Variants in ARFGEF1 observed in about 807,000 individuals in gnomAD.
ARFGEF1 encodes the protein brefeldin A-inhibited guanine nucleotide-exchange protein 1.
In ARFGEF1, 42 loss-of-function variants were observed where a neutral mutation model predicts 231.0. The observed-to-expected ratio is 0.18, with a 90% CI of 0.14 to 0.24. The LOEUF (loss-of-function observed/expected upper bound fraction) is 0.24. Among genes scored for constraint, ARFGEF1 ranks in the 10% least tolerant of loss-of-function variants. The pLI, the probability that ARFGEF1 is intolerant of heterozygous loss-of-function variation, is 1.00. For missense variants in ARFGEF1, 1,345 were observed against 2,192.0 expected, an observed-to-expected ratio of 0.61 and a Z score of 7.72; for synonymous variants, 710 against 732.3, an observed-to-expected ratio of 0.97 and a Z score of 0.49.
chr8:67,196,084 C>CTGA (rs1464611032), downstream of ARFGEF1: 2 of 153,826 alleles, frequency 1.3e-5, no homozygotes, highest in Non-Finnish European at 2.9e-5. Context: ...TTTGTAGCTA[C>CTGA]TGATACAGCA....
chr8:67,196,097 AATG>A (rs1352610433), downstream of ARFGEF1: 1 of 153,516 alleles, frequency 6.5e-6, no homozygotes, highest in Non-Finnish European at 1.5e-5. Context: ...ATACAGCAGA[AATG>A]AAGGGAACTG....
At chr8:67,217,176 T>C (rs375829306) in intron 32 of ARFGEF1, among the ~76,000 whole-genome samples, 2 of 151,922 alleles carry the variant, frequency 1.3e-5, no homozygotes, top group African/African-American at 2.4e-5. Context: ...TGGTGGTGCA[T>C]GCCTGTAATC....
intron 27 of ARFGEF1, among the ~76,000 whole-genome samples, chr8:67,226,476 A>C (rs1839375847): frequency 6.6e-6 from 1 of 151,992 alleles, no homozygotes; most frequent in South Asian, 2.1e-4. Context: ...AAATTACTTA[A>C]CCTCTCTGTA....
At position 67,253,481 on chromosome 8, in the gene ARFGEF1, G is replaced by C. The variant is rs747712444; in HGVS notation, c.2668C>G (p.Leu890Val). The change falls in exon 18 of 39, where the codon CTA becomes GTA. Residue 890 changes from leucine (L) to valine (V), a missense_variant. Leu to Val is a conservative substitution (Grantham distance 32). Transcript: ENST00000262215. Reference sequence around the variant, plus strand: ...TTACTTGATTTTGTAGGGATTGTTAGTTCTTTTGTTTCTTTCATTGATATC... The same window carrying C: ...TTACTTGATTTTGTAGGGATTGTTACTTCTTTTGTTTCTTTCATTGATATC... Reference protein sequence around the residue: ...KKISMKETKELTIPTKSSKQN... With the variant: ...KKISMKETKEVTIPTKSSKQN... The C allele has an allele frequency of 6.4e-7, 1 of 1,573,822 alleles. No homozygotes were observed. Among genetic ancestry groups the C allele is most frequent in the Non-Finnish European group, 8.7e-7 (1 of 1,147,184 alleles).
chr8:67,184,338 GAAAT>G (rs369441365), intron 5 of ARFGEF1, among the ~76,000 whole-genome samples: 183 of 152,230 alleles, frequency 1.2e-3, no homozygotes, highest in Middle Eastern at 6.8e-3. Flanking sequence ...TTGAAAACAG[GAAAT>G]AAATAGAGAA....
chr8:67,341,961 GA>G (rs202001924), intron 1 of ARFGEF1, among the ~76,000 whole-genome samples: 82 of 149,738 alleles, frequency 5.5e-4, no homozygotes, highest in East Asian at 2.6e-3. Flanking sequence ...AACGATCTAG[GA>G]AAAAAAAACT....
chr8:67,298,571 A>G (rs1371970646), intron 4 of ARFGEF1, among the ~76,000 whole-genome samples: 6 of 152,202 alleles, frequency 3.9e-5, no homozygotes, highest in African/African-American at 1.4e-4. Context: ...GAACTACCCT[A>G]AAGTTTGATG....
Position 67,287,937 on chromosome 8 carries a change from TTGAA to T in ARFGEF1, c.1027+14_1027+17del. The T allele has an allele frequency of 6.6e-7, 1 of 1,511,402 alleles. No individual in the cohort carries two copies. Among genetic ancestry groups the T allele is most frequent in the Non-Finnish European group, 8.9e-7 (1 of 1,122,130 alleles). The allele number at this position is 1,511,402 out of a possible 1,614,324, so 93.6% of individuals were successfully genotyped here. ...ATCCCATAGACAGAGTAAAATAATT[TTGAA>T]TGAAGTATACTACCTCCAACAACAA... On this transcript the variant is annotated intron_variant, in intron 7 of 38. Coordinates refer to ENST00000262215, the MANE Select transcript of ARFGEF1 (RefSeq NM_006421.5).
At chr8:67,238,044 C>G (rs1461465383) in intron 22 of ARFGEF1, among the ~76,000 whole-genome samples, 2 of 152,152 alleles carry the variant, frequency 1.3e-5, no homozygotes, top group African/African-American at 4.8e-5. Context: ...CAACTATTAC[C>G]TGATACCAGC....
chr8:67,183,636 A>AC (rs1833594534), intron 5 of ARFGEF1, among the ~76,000 whole-genome samples: 1 of 152,194 alleles, frequency 6.6e-6, no homozygotes, highest in Non-Finnish European at 1.5e-5. Context: ...AATTTGTAGG[A>AC]GGTAGCAGAA....
chr8:67,277,751 G>A (rs1805372483), intron 7 of ARFGEF1, among the ~76,000 whole-genome samples: 2 of 152,148 alleles, frequency 1.3e-5, no homozygotes, highest in Admixed American at 1.3e-4. Flanking sequence ...TTACTGAACT[G>A]GGTTTTGATG....
At chr8:67,223,900 A>T (rs567299966) in intron 29 of ARFGEF1, among the ~76,000 whole-genome samples, 1 of 152,326 alleles carries the variant, frequency 6.6e-6, no homozygotes, top group South Asian at 2.1e-4. Context: ...ACCATGTCTA[A>T]ATATAAAATA....
intron 20 of ARFGEF1, among the ~76,000 whole-genome samples, chr8:67,239,690 A>T (rs984844789): frequency 6.6e-6 from 1 of 152,180 alleles, no homozygotes; most frequent in African/African-American, 2.4e-5. Context: ...TTCTTTTTTT[A>T]AAAGTTCCTC....
rs990444368 is a variant in ARFGEF1, at chr8:67,343,427, G to A, written c.-140C>T. The A allele has an allele frequency of 7.1e-7, 1 of 1,411,192 alleles. No individual in the cohort carries two copies. The highest frequency in any genetic ancestry group is 9.3e-7 in the Non-Finnish European group (1 of 1,078,214). 87.4% of individuals were successfully genotyped at this position (1,411,192 alleles called of 1,614,324 possible). ...TTGGAGGCGTGGAGGGCAGCGGCAG[G>A]ATCAGGAAGGGGCGGGCGAGCGGGA... is the stretch of plus-strand genomic sequence containing the variant. On this transcript the variant is annotated 5_prime_UTR_variant, in exon 1 of 39. Transcript: ENST00000262215.
At chr8:67,296,107 G>A (rs914748289) in intron 5 of ARFGEF1, among the ~76,000 whole-genome samples, 4 of 152,082 alleles carry the variant, frequency 2.6e-5, no homozygotes, top group African/African-American at 7.3e-5. Flanking sequence ...ATTAGATTAA[G>A]TATTTTATAG....
At chr8:67,327,276 T>C (rs898393287) in intron 1 of ARFGEF1, among the ~76,000 whole-genome samples, 4 of 152,012 alleles carry the variant, frequency 2.6e-5, no homozygotes, top group Non-Finnish European at 4.4e-5. Context: ...TTTGCATTTG[T>C]AGAAGTTCTT....
chr8:67,290,555 T>C (rs1047954111), intron 6 of ARFGEF1, among the ~76,000 whole-genome samples: 1 of 152,212 alleles, frequency 6.6e-6, no homozygotes, highest in Non-Finnish European at 1.5e-5. Flanking sequence ...AAGATCACAC[T>C]AAAAGCAGTG....
chr8:67,206,410 TAAAAAAAAA>T (rs747164390), intron 34 of ARFGEF1, among the ~76,000 whole-genome samples: 1 of 102,048 alleles, frequency 9.8e-6, no homozygotes, highest in Non-Finnish European at 2.0e-5. Context: ...ATTTTATCTT[TAAAAAAAAA>T]AAAAAAAAAA....
intron 26 of ARFGEF1, 44 bp from the exon 27 acceptor site, chr8:67,227,353 A>C: frequency 6.3e-7 from 1 of 1,599,678 alleles, no homozygotes; most frequent in Admixed American, 1.7e-5. Flanking sequence ...AACCGATAAA[A>C]CTCATCAGTT....
Sources: gnomAD v4.1 joint callset for allele counts (sites outside exome capture counted in the v4.1 genomes callset) on GRCh38, gnomAD v4.1.1 for gene constraint, MANE v1.5 for transcripts, NCBI Gene and HGNC (gene_info 2026-07-23, HGNC 2026-07-21) for gene names.